CNTNAP2: variants seen among roughly 807,000 people sequenced by gnomAD.
CNTNAP2 encodes contactin associated protein 2.
A neutral mutation model predicts 155.2 loss-of-function variants in CNTNAP2; 98 were observed. The observed-to-expected ratio is 0.63, with a 90% CI of 0.54 to 0.75. The LOEUF is 0.75. Among genes scored for constraint, CNTNAP2 ranks in the 30% least tolerant of loss-of-function variants. The pLI is 0.00. For missense variants in CNTNAP2, 1,727 were observed against 1,688.1 expected (o/e 1.02, Z -0.40); for synonymous variants, 651 against 631.2 (o/e 1.03, Z -0.47).
intron 1 of CNTNAP2, among the ~76,000 whole-genome samples, chr7:146,464,186 TG>T (rs1352211264): frequency 1.0e-4 from 5 of 49,386 alleles, no homozygotes; most frequent in African/African-American, 1.5e-4. Flanking sequence ...CCTTTGAAAC[TG>T]TTTTTTTTTT....
At chr7:146,385,750 G>A (rs994499999) in intron 1 of CNTNAP2, among the ~76,000 whole-genome samples, 1 of 152,184 alleles carries the variant, frequency 6.6e-6, no homozygotes, top group Non-Finnish European at 1.5e-5. Flanking sequence ...TATCAGAGTT[G>A]AAATAGTTTT....
chr7:148,345,979 A>G (rs1234771120), intron 21 of CNTNAP2, among the ~76,000 whole-genome samples: 1 of 151,868 alleles, frequency 6.6e-6, no homozygotes, highest in Non-Finnish European at 1.5e-5. Flanking sequence ...ATTCCCTCCC[A>G]TCCCTCTTCA....
At chr7:147,326,007 C>G (rs532878241) in intron 9 of CNTNAP2, among the ~76,000 whole-genome samples, 9 of 152,256 alleles carry the variant, frequency 5.9e-5, no homozygotes, top group African/African-American at 2.2e-4. Context: ...ACTGCAAGCT[C>G]CACCTCCTGG....
intron 3 of CNTNAP2, among the ~76,000 whole-genome samples, chr7:147,013,616 C>T (rs1798665922): frequency 6.6e-6 from 1 of 152,066 alleles, no homozygotes; most frequent in Admixed American, 6.6e-5. Context: ...TTTCATGGAA[C>T]ATTGCTACAA....
chr7:147,893,828 T>A (rs1585014400), intron 13 of CNTNAP2, among the ~76,000 whole-genome samples: 1 of 152,190 alleles, frequency 6.6e-6, no homozygotes, highest in African/African-American at 2.4e-5. Context: ...ATTTTCCACA[T>A]GTAAAAGAAG....
Position 147,445,270 on chromosome 7 carries a change from C to T in CNTNAP2, c.1671-40665C>T, listed in dbSNP as rs189702983. Reference sequence around the variant, plus strand: ...TATAACAGATGGTGGTGCTTCCTTTCATCTTTTACTTTGGAATTTTAGCAT... The same window carrying T: ...TATAACAGATGGTGGTGCTTCCTTTTATCTTTTACTTTGGAATTTTAGCAT... On this transcript the variant is annotated intron_variant, in intron 10 of 23. Coordinates refer to ENST00000361727, the MANE Select transcript of CNTNAP2 (RefSeq NM_014141.6). 3.6e-3 allele frequency among the ~76,000 whole-genome samples: 552 copies of T among 152,276 alleles called. 3 individuals carry two copies. The highest frequency in any genetic ancestry group is 0.012 in the African/African-American group (513 of 41,550).
chr7:146,724,404 G>C (rs1248280368), intron 1 of CNTNAP2, among the ~76,000 whole-genome samples: 2 of 151,730 alleles, frequency 1.3e-5, no homozygotes, highest in African/African-American at 4.8e-5. Flanking sequence ...GGCCACATGT[G>C]TACATTTGCT....
chr7:147,584,703 C>A (rs1800583065), intron 12 of CNTNAP2, among the ~76,000 whole-genome samples: 1 of 152,170 alleles, frequency 6.6e-6, no homozygotes, highest in African/African-American at 2.4e-5. Flanking sequence ...ACCACTATTA[C>A]CGATGTGAAA....
rs79962015 is a variant in CNTNAP2, at chr7:146,217,857, C to T, written c.97+100884C>T. On this transcript the variant is annotated intron_variant, in intron 1 of 23. Coordinates refer to ENST00000361727, the MANE Select transcript of CNTNAP2 (RefSeq NM_014141.6). The stretch of plus-strand genomic sequence containing the variant: ...TGTCAAAACATATTCGGTGGTAACA[C>T]TTAAGATCAATGTAATGTTGTTCCC... Among the ~76,000 whole-genome samples, 14 of 152,158 alleles carry T rather than the reference C, an allele frequency of 9.2e-5. No individual in the cohort carries two copies. In the East Asian group the frequency reaches 2.7e-3, roughly 29 times the overall value.
chr7:147,067,575 C>T (rs916473102), intron 4 of CNTNAP2, among the ~76,000 whole-genome samples: 2 of 152,116 alleles, frequency 1.3e-5, no homozygotes, highest in Admixed American at 6.5e-5. Flanking sequence ...AAAAACCCAC[C>T]TGTCCGACAT....
At chr7:147,714,512 T>C (rs1179548673) in intron 13 of CNTNAP2, among the ~76,000 whole-genome samples, 16 of 151,858 alleles carry the variant, frequency 1.1e-4, no homozygotes, top group Non-Finnish European at 1.5e-5. Context: ...ACTGAGGGGT[T>C]AGAGGGATGA....
At chr7:146,833,598 T>C (rs1353743180) in intron 2 of CNTNAP2, among the ~76,000 whole-genome samples, 2 of 152,182 alleles carry the variant, frequency 1.3e-5, no homozygotes, top group Non-Finnish European at 2.9e-5. Flanking sequence ...CTAACCTCTT[T>C]GGGCATACAG....
chr7:147,595,227 C>G (rs1364443968), intron 12 of CNTNAP2, among the ~76,000 whole-genome samples: 1 of 152,188 alleles, frequency 6.6e-6, no homozygotes, highest in Non-Finnish European at 1.5e-5. Flanking sequence ...CCTCTAACAG[C>G]CATAGTCAGT....
intron 13 of CNTNAP2, among the ~76,000 whole-genome samples, chr7:147,709,731 T>C (rs758259): frequency 6.6e-6 from 1 of 152,132 alleles, no homozygotes; most frequent in African/African-American, 2.4e-5. Context: ...GAGAACTCTT[T>C]CTACTTGATG....
chr7:147,018,356 A>G (rs1798761881), intron 3 of CNTNAP2, among the ~76,000 whole-genome samples: 1 of 152,088 alleles, frequency 6.6e-6, no homozygotes, highest in African/African-American at 2.4e-5. Flanking sequence ...TACCCACTCT[A>G]TGACTCTGTC....
chr7:147,702,637 G>A (rs1796253321), intron 13 of CNTNAP2, among the ~76,000 whole-genome samples: 3 of 151,740 alleles, frequency 2.0e-5, no homozygotes. Context: ...AGTAATAGAA[G>A]CAGAACTTCC....
intron 13 of CNTNAP2, among the ~76,000 whole-genome samples, chr7:147,870,976 G>GA (rs1350797941): frequency 3.9e-5 from 6 of 152,162 alleles, no homozygotes; most frequent in Non-Finnish European, 8.8e-5. Flanking sequence ...GGTAAGAAAG[G>GA]AAGGAGGCTT....
intron 8 of CNTNAP2, among the ~76,000 whole-genome samples, chr7:147,237,016 C>CTATCA (rs1416316196): frequency 6.9e-6 from 1 of 145,662 alleles, no homozygotes; most frequent in Non-Finnish European, 1.5e-5. Context: ...ATCTAGCCAC[C>CTATCA]TATCATGCCA....
intron 1 of CNTNAP2, among the ~76,000 whole-genome samples, chr7:146,453,774 G>T (rs1796515793): frequency 6.6e-6 from 1 of 152,160 alleles, no homozygotes; most frequent in Admixed American, 6.6e-5. Flanking sequence ...ATTATAAAAT[G>T]CATAGGCTGT....
Sources: gnomAD v4.1 joint callset for allele counts (sites outside exome capture counted in the v4.1 genomes callset) on GRCh38, gnomAD v4.1.1 for gene constraint, MANE v1.5 for transcripts, NCBI Gene and HGNC (gene_info 2026-07-23, HGNC 2026-07-21) for gene names.